Variants in CPSF3 observed in about 807,000 individuals in gnomAD.
CPSF3 encodes the protein cleavage and polyadenylation specificity factor subunit 3.
CPSF3 carries 57 observed loss-of-function variants against 84.1 expected under a neutral mutation model. The ratio of observed to expected loss-of-function variants is 0.68; its 90% CI spans 0.55 to 0.85. The LOEUF (loss-of-function observed/expected upper bound fraction) is 0.85. Ranked by LOEUF, CPSF3 falls within the 40% of genes least tolerant of loss-of-function variation. The pLI, the probability that CPSF3 is intolerant of heterozygous loss-of-function variation, is 0.00. For missense variants in CPSF3, 522 were observed against 838.8 expected (o/e 0.62, Z 4.66); for synonymous variants, 275 against 278.1 (o/e 0.99, Z 0.11).
chr2:9,452,045 G>A (rs1415530553), intron 11 of CPSF3, among the ~76,000 whole-genome samples: 1 of 152,088 alleles, frequency 6.6e-6, no homozygotes, highest in Non-Finnish European at 1.5e-5. Flanking sequence ...AATGAATAGT[G>A]GGGCTGGGTG....
At position 9,427,190 on chromosome 2, in the gene CPSF3, G is replaced by A. The variant is rs752031045; in HGVS notation, c.51-1575G>A. ...TTCCTCAGAAGGAGGGAGGGAGTACGTAGAGTAGAATGGTGGAAAGTTTCA... is the reference window on the plus strand; with the variant it reads ...TTCCTCAGAAGGAGGGAGGGAGTACATAGAGTAGAATGGTGGAAAGTTTCA... On this transcript the variant is annotated intron_variant, in intron 1 of 17. Transcript: ENST00000238112. Among the ~76,000 whole-genome samples the A allele has an allele frequency of 3.9e-5, 6 of 152,334 alleles. 1 individual carries two copies. Among genetic ancestry groups the A allele is most frequent in the Admixed American group, 6.5e-5 (1 of 15,304 alleles).
intron 7 of CPSF3, among the ~76,000 whole-genome samples, chr2:9,437,253 A>G (rs1250401189): frequency 6.6e-6 from 1 of 152,066 alleles, no homozygotes; most frequent in South Asian, 2.1e-4. Context: ...AAAATAGAAA[A>G]ATGAGCCAGG....
In CPSF3 at chr2:9,433,978, A is replaced by G. The variant is rs747766197; in HGVS notation, c.609+18A>G. 6.6e-6 allele frequency: 9 copies of G among 1,373,026 alleles called. No homozygotes were observed. The East Asian group carries it at 1.4e-4, about 21-fold the overall frequency. 85.1% of individuals were successfully genotyped at this position (1,373,026 alleles called of 1,614,324 possible). A position where few individuals can be genotyped will look rare whatever the true frequency, so the allele number is the denominator to read the frequency against. ...TTATCATTGTAAGTATTAATATACT[A>G]TATTGTAATCAATGTAATGTAAGCA... On this transcript the variant is annotated intron_variant, in intron 6 of 17. Transcript: ENST00000238112.
intron 16 of CPSF3, among the ~76,000 whole-genome samples, chr2:9,469,776 A>C (rs1163571991): frequency 6.6e-6 from 1 of 152,236 alleles, no homozygotes; most frequent in Admixed American, 6.5e-5. Flanking sequence ...CGTACCCTTA[A>C]AAATGCAGCT....
intron 15 of CPSF3, among the ~76,000 whole-genome samples, chr2:9,466,404 ACG>A (rs1226667080): frequency 2.2e-4 from 32 of 143,632 alleles, no homozygotes; most frequent in African/African-American, 8.1e-4. Context: ...ACACACACGC[ACG>A]CGCACACACG....
chr2:9,441,705 C>A, intron 8 of CPSF3, 113 bp from the exon 9 acceptor site: 2 of 1,040,154 alleles, frequency 1.9e-6, no homozygotes, highest in Non-Finnish European at 1.4e-6. Flanking sequence ...CTTGTGAAGG[C>A]TCTTTCAGTG....
At chr2:9,466,267 GACGC>G (rs1418159611) in intron 15 of CPSF3, among the ~76,000 whole-genome samples, 3 of 40,462 alleles carry the variant, frequency 7.4e-5, no homozygotes, top group Non-Finnish European at 2.5e-4. Flanking sequence ...CGCACACAAA[GACGC>G]ACGCACACAC....
chr2:9,432,458 T>G, intron 4 of CPSF3, 53 bp from the exon 5 acceptor site: 1 of 1,333,326 alleles, frequency 7.5e-7, no homozygotes, highest in Non-Finnish European at 9.9e-7. Flanking sequence ...GTTCAAAGGC[T>G]TTTTAAAAAA....
At chr2:9,470,053 C>G (rs1682109562) in intron 16 of CPSF3, among the ~76,000 whole-genome samples, 1 of 151,880 alleles carries the variant, frequency 6.6e-6, no homozygotes, top group African/African-American at 2.4e-5. Context: ...ATCCAAAATA[C>G]CCCTACTAAA....
At chr2:9,462,193 C>A (rs1681750953) in intron 15 of CPSF3, among the ~76,000 whole-genome samples, 1 of 152,176 alleles carries the variant, frequency 6.6e-6, no homozygotes, top group South Asian at 2.1e-4. Context: ...AGCTGTAAGG[C>A]CCCCATCCTT....
chr2:9,438,606 C>T (rs1345471909), intron 7 of CPSF3, among the ~76,000 whole-genome samples: 1 of 150,942 alleles, frequency 6.6e-6, no homozygotes, highest in African/African-American at 2.4e-5. Flanking sequence ...ACGTCTGCCT[C>T]CCGGGTTCAA....
rs529125315 is a variant in CPSF3, at chr2:9,460,679, C to CTT, written c.1786+1075_1786+1076dup. Among the ~76,000 whole-genome samples, 407 of 137,714 alleles carry CTT rather than the reference C, an allele frequency of 3.0e-3. 2 individuals are homozygous for CTT. The highest frequency in any genetic ancestry group is 0.01 in the African/African-American group (390 of 37,886). 90.3% of individuals were successfully genotyped at this position (137,714 alleles called of 152,430 possible). On this transcript the variant is annotated intron_variant, in intron 15 of 17. Transcript: ENST00000238112. ...ATGTCTTTTTTTTCTTTCTTTCTTT[C>CTT]TTTTTTTTTTTTTTTGAGACAAAGT...
chr2:9,470,637 G>GC (rs943414736), intron 16 of CPSF3, among the ~76,000 whole-genome samples: 4 of 152,224 alleles, frequency 2.6e-5, no homozygotes, highest in African/African-American at 9.6e-5. Flanking sequence ...AAGTAGGAGT[G>GC]CACAGCTAGT....
intron 3 of CPSF3, 23 bp from the exon 4 acceptor site, chr2:9,430,729 A>G: frequency 6.3e-7 from 1 of 1,592,392 alleles, no homozygotes; most frequent in Non-Finnish European, 8.5e-7. Flanking sequence ...TTTAAGAATT[A>G]ATGCAGCCTC....
At chr2:9,434,212 C>T (rs1005069170) in intron 6 of CPSF3, among the ~76,000 whole-genome samples, 2 of 151,994 alleles carry the variant, frequency 1.3e-5, no homozygotes, top group African/African-American at 4.8e-5. Flanking sequence ...GAAAACCCAT[C>T]TCTACTAAAA....
intron 7 of CPSF3, among the ~76,000 whole-genome samples, chr2:9,437,058 C>T (rs1469346454): frequency 6.6e-6 from 1 of 152,070 alleles, no homozygotes; most frequent in Admixed American, 6.6e-5. Flanking sequence ...TGAGTAATTA[C>T]ATACTTTGCA....
intron 4 of CPSF3, among the ~76,000 whole-genome samples, chr2:9,431,542 TTTTTTTTTTC>T (rs1680590521): frequency 1.0e-5 from 1 of 98,712 alleles, no homozygotes. Flanking sequence ...TTTTTTTTCT[TTTTTTTTTTC>T]TTTTTTTTTT....
rs762210561 is a variant in CPSF3 at position 9,443,673 on chromosome 2, A to G, written c.1242+12A>G. 6.2e-7 allele frequency: 1 copy of G among 1,611,560 alleles called. No individual in the cohort carries two copies. Among genetic ancestry groups the G allele is most frequent in the African/African-American group, 1.3e-5 (1 of 74,706 alleles). ...AACCGCCTCATGTGGTTAGTCTATG[A>G]ATTTCATTTATTGTATTAAAGGGAA... On this transcript the variant is annotated intron_variant, in intron 10 of 17. Transcript: ENST00000238112.
chr2:9,471,305 G>A lies in CPSF3; in HGVS notation c.1857-38G>A, dbSNP rs771671258. Reference sequence around the variant, plus strand: ...TTTTTTCCTCAAATATATAAAGCCGGGCATTTTCACTAATCCTGCATTTCT... The same window carrying A: ...TTTTTTCCTCAAATATATAAAGCCGAGCATTTTCACTAATCCTGCATTTCT... On this transcript the variant is annotated intron_variant, in intron 16 of 17. Transcript: ENST00000238112. The A allele has an allele frequency of 4.1e-6, 5 of 1,208,942 alleles. No individual in the cohort carries two copies. In the South Asian group the frequency reaches 6.1e-5, roughly 15 times the overall value. The allele number at this position is 1,208,942 out of a possible 1,614,324, so 74.9% of individuals were successfully genotyped here. A position where few individuals can be genotyped will look rare whatever the true frequency, so the allele number is the denominator to read the frequency against.
Sources: gnomAD v4.1 joint callset for allele counts (sites outside exome capture counted in the v4.1 genomes callset) on GRCh38, gnomAD v4.1.1 for gene constraint, MANE v1.5 for transcripts, NCBI Gene and HGNC (gene_info 2026-07-23, HGNC 2026-07-21) for gene names.